The following HMG20A variants were observed in gnomAD, a reference collection of about 807,000 sequenced individuals.
HMG20A encodes high mobility group protein 20A.
Under a neutral mutation model 43.9 loss-of-function variants are expected in HMG20A, and 17 were observed. The observed-to-expected ratio is 0.39, with a 90% CI of 0.27 to 0.58. The LOEUF is 0.58. Ranked by LOEUF, HMG20A falls within the 20% of genes least tolerant of loss-of-function variation. The probability of loss-of-function intolerance (pLI) is 0.59; values close to 1 mark genes in which losing one functional copy is unlikely to be tolerated. For synonymous variants in HMG20A, 132 were observed against 147.5 expected (o/e 0.89, Z 0.76); for missense variants, 341 against 438.2 (o/e 0.78, Z 1.98).
At chr15:77,471,885 ATT>A (rs34188762) in intron 6 of HMG20A, 71 bp downstream of exon 6, 9,451 of 628,708 alleles carry the variant, frequency 0.015, no homozygotes, top group Middle Eastern at 0.019. Flanking sequence ...ATGCTATTGG[ATT>A]TTTTTTTTTT....
At chr15:77,459,656 G>T (rs1436892233) in intron 2 of HMG20A, among the ~76,000 whole-genome samples, 1 of 152,144 alleles carries the variant, frequency 6.6e-6, no homozygotes, top group Non-Finnish European at 1.5e-5. Flanking sequence ...GGAGCAGTAG[G>T]TGCAAAAGCC....
At chr15:77,468,488 ATTG>A (rs1391431340) in intron 4 of HMG20A, among the ~76,000 whole-genome samples, 1 of 152,062 alleles carries the variant, frequency 6.6e-6, no homozygotes, top group Non-Finnish European at 1.5e-5. Context: ...AGATTCACCT[ATTG>A]TTAACACATT....
chr15:77,489,560 A>G (rs544118539), downstream of HMG20A, among the ~76,000 whole-genome samples: 2 of 152,250 alleles, frequency 1.3e-5, no homozygotes, highest in African/African-American at 2.4e-5. Flanking sequence ...TAGTCCCCAT[A>G]GAGCTCTTCC....
the HMG20A span, among the ~76,000 whole-genome samples, chr15:77,501,298 C>G: frequency 6.6e-6 from 1 of 152,186 alleles, no homozygotes; most frequent in South Asian, 2.1e-4. Flanking sequence ...GATTTCCACA[C>G]CCACCACCCC....
intron 1 of HMG20A, among the ~76,000 whole-genome samples, chr15:77,429,884 G>A (rs1038956149): frequency 4.6e-5 from 7 of 152,166 alleles, no homozygotes; most frequent in African/African-American, 1.7e-4. Flanking sequence ...TGTGATTGGT[G>A]TCTATTTCTG....
intron 1 of HMG20A, among the ~76,000 whole-genome samples, chr15:77,433,646 A>C (rs911995836): frequency 6.6e-6 from 1 of 152,244 alleles, no homozygotes; most frequent in Non-Finnish European, 1.5e-5. Flanking sequence ...CGAGCAACCA[A>C]CAGTTAGAAA....
chr15:77,495,637 C>T, the HMG20A span, among the ~76,000 whole-genome samples: 4 of 152,138 alleles, frequency 2.6e-5, no homozygotes, highest in East Asian at 7.7e-4. Context: ...GATAGAGTGT[C>T]CCAAAAGCCT....
chr15:77,491,826 G>A, the HMG20A span, among the ~76,000 whole-genome samples: 57 of 152,344 alleles, frequency 3.7e-4, no homozygotes, highest in Admixed American at 3.5e-3. Flanking sequence ...GTAATTCAGC[G>A]TGACTGGAAC....
the HMG20A span, among the ~76,000 whole-genome samples, chr15:77,502,666 C>T: frequency 3.3e-5 from 5 of 152,052 alleles, no homozygotes; most frequent in African/African-American, 4.8e-5. Context: ...ATCATAAGTG[C>T]TTAGAAAGTA....
intron 1 of HMG20A, among the ~76,000 whole-genome samples, chr15:77,455,413 C>G (rs1341009249): frequency 2.0e-5 from 3 of 151,234 alleles, no homozygotes; most frequent in African/African-American, 4.9e-5. Flanking sequence ...TAAATTGGCA[C>G]TCTTTTATAT....
the HMG20A span, among the ~76,000 whole-genome samples, chr15:77,491,456 T>C: frequency 6.6e-6 from 1 of 152,266 alleles, no homozygotes; most frequent in Admixed American, 6.5e-5. Flanking sequence ...ATAGTAATTA[T>C]GGATTTTATT....
the HMG20A span, among the ~76,000 whole-genome samples, chr15:77,495,002 T>G: frequency 2.6e-5 from 4 of 152,184 alleles, no homozygotes; most frequent in African/African-American, 9.7e-5. Flanking sequence ...AGTGCTACGG[T>G]TGAAAGTGGT....
At chr15:77,493,586 T>C in the HMG20A span, among the ~76,000 whole-genome samples, 1 of 152,148 alleles carries the variant, frequency 6.6e-6, no homozygotes, top group Non-Finnish European at 1.5e-5. Context: ...CTGTGAAGCA[T>C]TGAAATAGGG....
Position 77,483,459 on chromosome 15 carries a change from G to A in HMG20A, c.*496G>A, listed in dbSNP as rs545941007. 6.5e-6 allele frequency: 1 copy of A among 152,740 alleles called. No homozygotes were observed. Among genetic ancestry groups the A allele is most frequent in the East Asian group, 1.9e-4 (1 of 5,194 alleles). 9.5% of individuals were successfully genotyped at this position (152,740 alleles called of 1,614,324 possible). A position where few individuals can be genotyped will look rare whatever the true frequency, so the allele number is the denominator to read the frequency against. ...TATACATCTCCATTTTCTGACCTCT[G>A]GACTAACTGGTTGCTCAGCAAGGTT... On this transcript the variant is annotated 3_prime_UTR_variant, in exon 10 of 10. Transcript: ENST00000336216.
Position 77,479,215 on chromosome 15 carries a change from CAT to C in HMG20A, c.949_950del (p.Met317GlufsTer10). On this transcript the variant is annotated frameshift_variant, in exon 9 of 10. Transcript: ENST00000336216. LOFTEE classifies it high-confidence loss of function. Reference sequence around the variant, plus strand: ...ACACCTACAGTGGACACCATTGACTCATATATGAACAGACTGCACAGTATTAT... The same window carrying C: ...ACACCTACAGTGGACACCATTGACTCATATGAACAGACTGCACAGTATTAT... 1.2e-6 allele frequency: 2 copies of C among 1,613,676 alleles called. No homozygotes were observed. The highest frequency in any genetic ancestry group is 1.7e-6 in the Non-Finnish European group (2 of 1,179,594).
At position 77,470,892 on chromosome 15, in the gene HMG20A, T is replaced by A. The variant is rs779297926; in HGVS notation, c.451-18T>A. On this transcript the variant is annotated intron_variant, in intron 4 of 9. Coordinates refer to ENST00000336216, the MANE Select transcript of HMG20A (RefSeq NM_001304504.2). ...AGGATCTCATTTTCTTGAAAATAAT[T>A]CTGTATTTCTTTCCTAGCGCTACCT... 1.9e-6 allele frequency: 3 copies of A among 1,551,708 alleles called. No homozygotes were observed. Among genetic ancestry groups the A allele is most frequent in the Non-Finnish European group, 1.7e-6 (2 of 1,157,744 alleles).
chr15:77,443,000 T>C (rs2073629302), intron 1 of HMG20A, among the ~76,000 whole-genome samples: 2 of 151,738 alleles, frequency 1.3e-5, no homozygotes, highest in Admixed American at 6.6e-5. Flanking sequence ...ATTCATAATT[T>C]CACCACCCTG....
chr15:77,429,279 G>A lies in HMG20A; in HGVS notation c.-5+8275G>A, dbSNP rs369618755. Among the ~76,000 whole-genome samples, 118 of 151,958 alleles carry A rather than the reference G, an allele frequency of 7.8e-4. 1 individual carries two copies. Among genetic ancestry groups the A allele is most frequent in the Non-Finnish European group, 2.2e-4 (15 of 67,960 alleles). On this transcript the variant is annotated intron_variant, in intron 1 of 9. Coordinates refer to ENST00000336216, the MANE Select transcript of HMG20A (RefSeq NM_001304504.2). ...GTCTCCCAGGCTGGAGTGCAGTGGC[G>A]CTAGTGAGCTCATGCAATTCTCCTG...
chr15:77,467,325 T>A lies in HMG20A; in HGVS notation c.450+18T>A. The A allele has an allele frequency of 1.3e-6, 2 of 1,579,222 alleles. No individual in the cohort carries two copies. The highest frequency in any genetic ancestry group is 3.4e-4 in the Middle Eastern group (2 of 5,970). ...AAAAACAGGTAATTGTTCCTATTCC[T>A]GACTCTTTGTTTGGTTTTGATTATA... On this transcript the variant is annotated intron_variant, in intron 4 of 9. Transcript: ENST00000336216.
Sources: gnomAD v4.1 joint callset for allele counts (sites outside exome capture counted in the v4.1 genomes callset) on GRCh38, gnomAD v4.1.1 for gene constraint, MANE v1.5 for transcripts, NCBI Gene and HGNC (gene_info 2026-07-23, HGNC 2026-07-21) for gene names.